UGT1A3: variants seen among roughly 807,000 people sequenced by gnomAD.
The protein encoded by UGT1A3 is UDP-glucuronosyltransferase 1A3.
Under a neutral mutation model 41.0 loss-of-function variants are expected in UGT1A3, and 31 were observed. The observed-to-expected ratio is 0.76, with a 90% confidence interval of 0.57 to 1.02. The LOEUF is 1.02. UGT1A3 is among the 50% of genes least tolerant of loss of function. The pLI is 0.00. For synonymous variants in UGT1A3, 262 were observed against 257.6 expected, an observed-to-expected ratio of 1.02 and a Z score of -0.17; for missense variants, 737 against 671.0, an observed-to-expected ratio of 1.10 and a Z score of -1.09.
At chr2:233,743,383 G>A (rs1366748505) in intron 1 of UGT1A3, 1 of 1,197,714 alleles carries the variant, frequency 8.3e-7, no homozygotes, top group Non-Finnish European at 1.1e-6. Context: ...ACTACCGTAG[G>A]ACATGCAGAA....
chr2:233,756,808 C>T (rs1575745774), intron 1 of UGT1A3, among the ~76,000 whole-genome samples: 1 of 152,078 alleles, frequency 6.6e-6, no homozygotes, highest in Non-Finnish European at 1.5e-5. Context: ...TAGTAAAGGT[C>T]ACTCAATTCC....
At position 233,757,535 on chromosome 2, in the gene UGT1A3, AATAT is replaced by A. The variant is rs67292694; in HGVS notation, c.868-9476_868-9473del. On this transcript the variant is annotated intron_variant, in intron 1 of 4. Coordinates refer to ENST00000482026, the MANE Select transcript of UGT1A3 (RefSeq NM_019093.4). Reference sequence around the variant, plus strand: ...CAAAGCCAAAATCTTGCCTGTAAGGAATATATATATATATATATATATATATGTA... The same window carrying A: ...CAAAGCCAAAATCTTGCCTGTAAGGAATATATATATATATATATATATGTA... Among the ~76,000 whole-genome samples, 85 of 88,296 alleles carry A rather than the reference AATAT, an allele frequency of 9.6e-4. 5 individuals carry two copies. The highest frequency in any genetic ancestry group is 3.6e-3 in the African/African-American group (72 of 19,936). 57.9% of individuals were successfully genotyped at this position (88,296 alleles called of 152,430 possible).
In UGT1A3 at chr2:233,768,259, C is replaced by T. The variant is rs72551353; in HGVS notation, c.1127C>T (p.Ser376Phe). ...MTRAFITHAGSHGVYESICNG... is the reference protein window; with the variant it reads ...MTRAFITHAGFHGVYESICNG... ...CGTGCCTTTATCACCCATGCTGGTT[C>T]CCATGGTGTTTATGAAAGCATATGC... Residue 376 changes from serine (S) to phenylalanine (F), a missense_variant, in exon 4 of 5, where the codon TCC becomes TTC. Ser to Phe is a radical substitution (Grantham distance 155). Coordinates refer to ENST00000482026, the MANE Select transcript of UGT1A3 (RefSeq NM_019093.4). The T allele has an allele frequency of 1.8e-5, 29 of 1,614,010 alleles. No homozygotes were observed. The highest frequency in any genetic ancestry group is 2.4e-5 in the Non-Finnish European group (28 of 1,180,040).
chr2:233,755,163 G>A (rs183842611), intron 1 of UGT1A3: 2 of 1,285,674 alleles, frequency 1.6e-6, no homozygotes, highest in African/African-American at 1.6e-5. Flanking sequence ...CCTGTCCTCG[G>A]GGTTTTTGTC....
intron 1 of UGT1A3, among the ~76,000 whole-genome samples, chr2:233,762,131 A>T (rs1026156979): frequency 6.6e-6 from 1 of 152,036 alleles, no homozygotes; most frequent in East Asian, 1.9e-4. Context: ...CCATGTGGGG[A>T]CCTGTGTGAC....
At chr2:233,753,681 A>G in intron 1 of UGT1A3, 1 of 152,226 alleles carries the variant, frequency 6.6e-6, no homozygotes, top group East Asian at 1.9e-4. Flanking sequence ...CCTCACCCAA[A>G]CAATATTACA....
intron 1 of UGT1A3, among the ~76,000 whole-genome samples, chr2:233,757,667 T>C (rs1696692140): frequency 6.6e-6 from 1 of 151,042 alleles, no homozygotes; most frequent in South Asian, 2.1e-4. Context: ...ATTTTGGAAA[T>C]TCAAGGAATT....
At chr2:233,760,852 C>A (rs770420506) in intron 1 of UGT1A3, 4 of 1,614,068 alleles carry the variant, frequency 2.5e-6, no homozygotes, top group Non-Finnish European at 3.4e-6. Flanking sequence ...GTGCCCCAAC[C>A]CATTCTCCTA....
At chr2:233,731,661 C>T (rs2078189507) in intron 1 of UGT1A3, among the ~76,000 whole-genome samples, 1 of 152,192 alleles carries the variant, frequency 6.6e-6, no homozygotes, top group South Asian at 2.1e-4. Flanking sequence ...ATATGTGCCA[C>T]ATTTTCTTAA....
At position 233,742,119 on chromosome 2, in the gene UGT1A3, C is replaced by T. The variant is rs142315410; in HGVS notation, c.867+12126C>T. Among the ~76,000 whole-genome samples, 140 of 151,952 alleles carry T rather than the reference C, an allele frequency of 9.2e-4. 4 individuals carry two copies. The highest frequency in any genetic ancestry group is 3.3e-3 in the African/African-American group (138 of 41,214). The stretch of plus-strand genomic sequence containing the variant: ...GACCCACTGCCAAGACCAGCTTGGT[C>T]GTGGAGACCCTAACCCAGCAGCGCT... On this transcript the variant is annotated intron_variant, in intron 1 of 4. Coordinates refer to ENST00000482026, the MANE Select transcript of UGT1A3 (RefSeq NM_019093.4).
chr2:233,744,390 C>A (rs894432341), intron 1 of UGT1A3, among the ~76,000 whole-genome samples: 4 of 151,862 alleles, frequency 2.6e-5, no homozygotes, highest in Non-Finnish European at 5.9e-5. Context: ...AACGTTCCAG[C>A]CCCGGTGCCC....
At chr2:233,730,564 A>G (rs1270529566) in intron 1 of UGT1A3, among the ~76,000 whole-genome samples, 1 of 152,140 alleles carries the variant, frequency 6.6e-6, no homozygotes, top group Non-Finnish European at 1.5e-5. Context: ...AGAATGACAC[A>G]CGAAGTTCAG....
chr2:233,750,148 T>C (rs1694375303), intron 1 of UGT1A3, among the ~76,000 whole-genome samples: 1 of 151,890 alleles, frequency 6.6e-6, no homozygotes, highest in Non-Finnish European at 1.5e-5. Flanking sequence ...TCCTAGAGAC[T>C]TGTTGAATGG....
chr2:233,772,541 C>T lies in UGT1A3; in HGVS notation c.1587C>T (p.His529=), dbSNP rs1391662449. The T allele has an allele frequency of 1.2e-6, 2 of 1,613,996 alleles. No homozygotes were observed. Among genetic ancestry groups the T allele is most frequent in the Non-Finnish European group, 1.7e-6 (2 of 1,180,012 alleles). ...AAAAAGGGCGAGTTAAGAAAGCCCACAAATCCAAGACCCATTGAGAAGTGG... is the reference window on the plus strand; with the variant it reads ...AAAAAGGGCGAGTTAAGAAAGCCCATAAATCCAAGACCCATTGAGAAGTGG... The part of the protein sequence containing the change: ...LGKKGRVKKA[H]KSKTH The change falls in exon 5 of 5, where the codon CAC becomes CAT. Residue 529 remains histidine (H), a synonymous_variant. Transcript: ENST00000482026.
chr2:233,755,447 T>C (rs1695920432), intron 1 of UGT1A3: 1 of 310,986 alleles, frequency 3.2e-6, no homozygotes, highest in Non-Finnish European at 6.3e-6. Flanking sequence ...GCAGTGCTCC[T>C]GGGACTGGCC....
At position 233,729,655 on chromosome 2, in the gene UGT1A3, C is replaced by G. The variant is rs2077902514; in HGVS notation, c.529C>G (p.Pro177Ala). ...IPTVFFLRNI[P>A]CDLDFKGTQC... ...TACTGTGTTTTTTTTGAGGAACATTCCATGTGATTTAGACTTTAAGGGCAC... is the reference window on the plus strand; with the variant it reads ...TACTGTGTTTTTTTTGAGGAACATTGCATGTGATTTAGACTTTAAGGGCAC... Residue 177 changes from proline (P) to alanine (A), a missense_variant, in exon 1 of 5, where the codon CCA becomes GCA. By Grantham distance (27) the Pro-to-Ala change is conservative (BLOSUM62 -1). Coordinates refer to ENST00000482026, the MANE Select transcript of UGT1A3 (RefSeq NM_019093.4). 1 of 1,613,788 alleles carries G rather than the reference C, an allele frequency of 6.2e-7. No homozygotes were observed. Among genetic ancestry groups the G allele is most frequent in the African/African-American group, 1.3e-5 (1 of 74,892 alleles).
At chr2:233,740,640 G>C (rs1049761331) in intron 1 of UGT1A3, 2 of 151,736 alleles carry the variant, frequency 1.3e-5, no homozygotes, top group Admixed American at 1.3e-4. Flanking sequence ...GCCTTTCCTT[G>C]CCCAGTGTAC....
At chr2:233,747,065 G>T (rs1693553512) in intron 1 of UGT1A3, 1 of 956,080 alleles carries the variant, frequency 1.0e-6, no homozygotes, top group Admixed American at 2.9e-5. Context: ...TGGTTAATCG[G>T]TAATAATTAA....
Position 233,757,147 on chromosome 2 carries a change from C to T in UGT1A3, c.868-9887C>T, listed in dbSNP as rs1696419707. Among the ~76,000 whole-genome samples, 3 of 151,258 alleles carry T rather than the reference C, an allele frequency of 2.0e-5. No individual in the cohort carries two copies. The South Asian group carries it at 6.3e-4, about 32-fold the overall frequency. Reference sequence around the variant, plus strand: ...GGAGGAATGAGCTTGGACAGGTGGGCTGGGGTCTATCCCAGAGTTTTGAGA... The same window carrying T: ...GGAGGAATGAGCTTGGACAGGTGGGTTGGGGTCTATCCCAGAGTTTTGAGA... On this transcript the variant is annotated intron_variant, in intron 1 of 4. Transcript: ENST00000482026.
Sources: gnomAD v4.1 joint callset for allele counts (sites outside exome capture counted in the v4.1 genomes callset) on GRCh38, gnomAD v4.1.1 for gene constraint, MANE v1.5 for transcripts, NCBI Gene and HGNC (gene_info 2026-07-23, HGNC 2026-07-21) for gene names.